Variants in RHD observed in about 807,000 individuals in gnomAD.
RHD encodes Rh blood group D antigen, also known as blood group Rh(D) polypeptide.
Under a neutral mutation model 45.5 loss-of-function variants are expected in RHD, and 16 were observed. The observed-to-expected ratio is 0.35, with a 90% CI of 0.24 to 0.53. The LOEUF is 0.53. Ranked by LOEUF, RHD falls within the 20% of genes least tolerant of loss-of-function variation. RHD has a pLI of 0.92. For synonymous variants in RHD, 131 were observed against 217.5 expected, an observed-to-expected ratio of 0.60 and a Z score of 3.50; for missense variants, 306 against 532.0, an observed-to-expected ratio of 0.58 and a Z score of 4.18.
In RHD at chr1:25,315,500, TC is replaced by T. The variant is rs201250587; in HGVS notation, c.1074-1499del. On this transcript the variant is annotated intron_variant, in intron 7 of 9. Transcript: ENST00000328664. ...TTAATTTATTTTTCTTTTCTTTCTT[TC>T]TTTTTTTTTTTTTGAGATGGAGTCT... 2.3e-4 allele frequency among the ~76,000 whole-genome samples: 28 copies of T among 121,804 alleles called. 4 individuals are homozygous for T. Among genetic ancestry groups the T allele is most frequent in the African/African-American group, 7.0e-4 (23 of 32,952 alleles). 79.9% of individuals were successfully genotyped at this position (121,804 alleles called of 152,430 possible).
chr1:25,278,917 G>A (rs1475750148), intron 1 of RHD, among the ~76,000 whole-genome samples: 1 of 129,150 alleles, frequency 7.7e-6, no homozygotes, highest in Non-Finnish European at 1.8e-5. Context: ...TGAGGCTGCA[G>A]TGGTCTTTCC....
At chr1:25,315,713 G>A (rs1339016008) in intron 7 of RHD, among the ~76,000 whole-genome samples, 1 of 129,130 alleles carries the variant, frequency 7.7e-6, no homozygotes, top group African/African-American at 2.7e-5. Context: ...AGCCAGGATG[G>A]TCTCCATCTC....
At chr1:25,302,187 A>G (rs1178342290) in intron 5 of RHD, among the ~76,000 whole-genome samples, 8 of 131,492 alleles carry the variant, frequency 6.1e-5, no homozygotes, top group African/African-American at 2.1e-4. Flanking sequence ...TGGTGCATGT[A>G]AAGTGCTTAA....
At chr1:25,285,981 C>T (rs530159059) in intron 2 of RHD, among the ~76,000 whole-genome samples, 1 of 134,564 alleles carries the variant, frequency 7.4e-6, no homozygotes, top group Admixed American at 7.2e-5. Flanking sequence ...TTAACTCTTC[C>T]GGGTAGGGAT....
At position 25,308,093 on chromosome 1, in the gene RHD, G is replaced by C. The variant is rs1643947794; in HGVS notation, c.1073+1364G>C. ...TCTTCAGCTTGCACCCATCATCACA[G>C]TGCAGGGACCCAGGCTCAGTGTTGC... On this transcript the variant is annotated intron_variant, in intron 7 of 9. Coordinates refer to ENST00000328664, the MANE Select transcript of RHD (RefSeq NM_016124.6). Among the ~76,000 whole-genome samples the C allele has an allele frequency of 1.6e-5, 2 of 124,654 alleles. 1 individual carries two copies. Among genetic ancestry groups the C allele is most frequent in the African/African-American group, 5.6e-5 (2 of 35,550 alleles). 81.8% of individuals were successfully genotyped at this position (124,654 alleles called of 152,430 possible). A position where few individuals can be genotyped will look rare whatever the true frequency, so the allele number is the denominator to read the frequency against.
At chr1:25,315,657 C>T (rs1424246343) in intron 7 of RHD, among the ~76,000 whole-genome samples, 2 of 127,158 alleles carry the variant, frequency 1.6e-5, no homozygotes, top group Non-Finnish European at 3.7e-5. Flanking sequence ...CCACCACTCC[C>T]GGCTAATGTT....
intron 2 of RHD, among the ~76,000 whole-genome samples, chr1:25,286,654 T>C (rs188557211): frequency 0.02 from 2,674 of 133,420 alleles, 376 homozygotes; most frequent in African/African-American, 0.064. Context: ...GGCGTGGTGG[T>C]GGGCGCCTGT....
rs1272984377 is a variant in RHD, at chr1:25,303,554, G to A, written c.939+95G>A. On this transcript the variant is annotated intron_variant, in intron 6 of 9. Coordinates refer to ENST00000328664, the MANE Select transcript of RHD (RefSeq NM_016124.6). ...CACTGTGCAGTGCACAGCTGCATTA[G>A]GCAGGTGTCGGCGCATTCTCTTATT... 4 of 1,180,002 alleles carry A rather than the reference G, an allele frequency of 3.4e-6. 1 individual carries two copies. In the Admixed American group the frequency reaches 7.5e-5, roughly 22 times the overall value. 73.1% of individuals were successfully genotyped at this position (1,180,002 alleles called of 1,614,324 possible).
chr1:25,316,426 C>G (rs1644440161), intron 7 of RHD, among the ~76,000 whole-genome samples: 1 of 127,876 alleles, frequency 7.8e-6, no homozygotes, highest in South Asian at 2.4e-4. Context: ...TCGAGATCAC[C>G]CTGGTCAACA....
chr1:25,304,286 G>A (rs1430510915), intron 6 of RHD: 1 of 104,496 alleles, frequency 9.6e-6, no homozygotes, highest in African/African-American at 3.2e-5. Flanking sequence ...GGATGAACAG[G>A]GGCTATTCAG....
intron 6 of RHD, 119 bp downstream of exon 6, chr1:25,303,578 T>C (rs1643566953): frequency 1.9e-6 from 2 of 1,078,080 alleles, no homozygotes; most frequent in Admixed American, 2.0e-5. Flanking sequence ...CATTCTCTTA[T>C]TGGCTTCAAC....
At chr1:25,315,501 C>T (rs113319491) in intron 7 of RHD, among the ~76,000 whole-genome samples, 4,407 of 114,100 alleles carry the variant, frequency 0.039, 717 homozygotes, top group African/African-American at 0.12. Context: ...TTCTTTCTTT[C>T]TTTTTTTTTT....
rs1640899986 is a variant in RHD at position 25,275,622 on chromosome 1, T to C, written c.148+2927T>C. The stretch of plus-strand genomic sequence containing the variant: ...TTTAAGTATTACTACATTAATATAT[T>C]TTGTATGTTACAATAAATACATACA... On this transcript the variant is annotated intron_variant, in intron 1 of 9. Coordinates refer to ENST00000328664, the MANE Select transcript of RHD (RefSeq NM_016124.6). Among the ~76,000 whole-genome samples the C allele has an allele frequency of 1.5e-5, 2 of 133,010 alleles. 1 individual carries two copies. Among genetic ancestry groups the C allele is most frequent in the Admixed American group, 1.5e-4 (2 of 13,668 alleles). 87.3% of individuals were successfully genotyped at this position (133,010 alleles called of 152,430 possible).
intron 1 of RHD, among the ~76,000 whole-genome samples, chr1:25,281,337 C>T (rs1324018459): frequency 7.7e-6 from 1 of 130,454 alleles, no homozygotes. Context: ...GTCATGAGCG[C>T]CCCTCACAGG....
At position 25,329,560 on chromosome 1, in the gene RHD, A is replaced by G. The variant is rs1364245040; in HGVS notation, c.*636A>G. The stretch of plus-strand genomic sequence containing the variant: ...GCCCAGCCTTGTTTGCTTTTTTAAC[A>G]GATAACAGTGTGCTCATAGAAACTG... On this transcript the variant is annotated 3_prime_UTR_variant, in exon 10 of 10. Coordinates refer to ENST00000328664, the MANE Select transcript of RHD (RefSeq NM_016124.6). 3.6e-5 allele frequency: 6 copies of G among 168,312 alleles called. No individual in the cohort carries two copies. Among genetic ancestry groups the G allele is most frequent in the African/African-American group, 1.5e-4 (6 of 38,846 alleles). The allele number at this position is 168,312 out of a possible 1,614,324, so 10.4% of individuals were successfully genotyped here. A position where few individuals can be genotyped will look rare whatever the true frequency, so the allele number is the denominator to read the frequency against.
rs1243910639 is a variant in RHD, at chr1:25,296,750, C to G, written c.487-4196C>G. Among the ~76,000 whole-genome samples, 2 of 123,292 alleles carry G rather than the reference C, an allele frequency of 1.6e-5. 1 individual carries two copies. Among genetic ancestry groups the G allele is most frequent in the Non-Finnish European group, 3.9e-5 (2 of 51,282 alleles). The allele number at this position is 123,292 out of a possible 152,430, so 80.9% of individuals were successfully genotyped here. ...TGGCACTTCCTCTCTCTCTTTCTCT[C>G]TCTCTCTCACCTGACACCACGTAAG... On this transcript the variant is annotated intron_variant, in intron 3 of 9. Transcript: ENST00000328664.
intron 3 of RHD, among the ~76,000 whole-genome samples, chr1:25,299,066 T>G (rs1346939644): frequency 1.3e-5 from 1 of 76,762 alleles, no homozygotes; most frequent in Non-Finnish European, 2.8e-5. Flanking sequence ...TGTCAGCACA[T>G]GGTGATAAAA....
At chr1:25,301,454 C>T in intron 4 of RHD, 66 bp from the exon 5 acceptor site, 1 of 1,292,810 alleles carries the variant, frequency 7.7e-7, no homozygotes, top group Non-Finnish European at 1.1e-6. Context: ...TCATCCAAAA[C>T]CCCTCGAGGC....
chr1:25,318,530 G>T (rs1224216284), intron 8 of RHD, among the ~76,000 whole-genome samples: 2 of 131,762 alleles, frequency 1.5e-5, no homozygotes, highest in Non-Finnish European at 3.6e-5. Context: ...GGAGGTTATA[G>T]TGAGTCGAGG....
Sources: gnomAD v4.1 joint callset for allele counts (sites outside exome capture counted in the v4.1 genomes callset) on GRCh38, gnomAD v4.1.1 for gene constraint, MANE v1.5 for transcripts, NCBI Gene and HGNC (gene_info 2026-07-23, HGNC 2026-07-21) for gene names.